Variants in DCLK1 observed in about 807,000 individuals in gnomAD.
The protein encoded by DCLK1 is doublecortin like kinase 1, also known as serine/threonine-protein kinase DCLK1.
In DCLK1, 16 loss-of-function variants were observed where a neutral mutation model predicts 86.2. That is an observed-to-expected ratio of 0.19 (90% CI 0.13 to 0.28). The LOEUF is 0.28. Ranked by LOEUF, DCLK1 falls within the 10% of genes least tolerant of loss-of-function variation. DCLK1 has a pLI of 1.00. For missense variants in DCLK1, 590 were observed against 940.2 expected (o/e 0.63, Z 4.87); for synonymous variants, 369 against 370.5 (o/e 1.00, Z 0.05).
At chr13:35,838,635 A>C (rs1211064902) in intron 7 of DCLK1, among the ~76,000 whole-genome samples, 2 of 152,216 alleles carry the variant, frequency 1.3e-5, no homozygotes, top group Non-Finnish European at 2.9e-5. Flanking sequence ...ATTTCCACCA[A>C]TTCTTTTTGT....
chr13:36,056,633 A>G (rs7985605), intron 3 of DCLK1, among the ~76,000 whole-genome samples: 19,639 of 145,084 alleles, frequency 0.14, 1,691 homozygotes, highest in South Asian at 0.35. Flanking sequence ...AAAAAAAAAA[A>G]AAAGAAAGAA....
intron 3 of DCLK1, among the ~76,000 whole-genome samples, chr13:36,047,603 G>A (rs1427879083): frequency 1.3e-5 from 2 of 152,158 alleles, no homozygotes; most frequent in Non-Finnish European, 2.9e-5. Flanking sequence ...GACAAATACT[G>A]CATGATCTCA....
rs187871686 is a variant in DCLK1 at position 35,874,979 on chromosome 13, C to T, written c.824-3639G>A. 1.2e-4 allele frequency among the ~76,000 whole-genome samples: 18 copies of T among 152,314 alleles called. No individual in the cohort carries two copies. The East Asian group carries it at 2.1e-3, about 18-fold the overall frequency. On this transcript the variant is annotated intron_variant, in intron 4 of 16. Coordinates refer to ENST00000360631, the MANE Select transcript of DCLK1 (RefSeq NM_001330071.2). ...GTACATTTTTATCACGTGGCCACTA[C>T]GTGCCAAGCATCGAGAGCTGCAGGC...
intron 16 of DCLK1, among the ~76,000 whole-genome samples, chr13:35,781,416 C>G (rs2153097772): frequency 6.6e-6 from 1 of 152,318 alleles, no homozygotes; most frequent in Middle Eastern, 3.4e-3. Context: ...TATGAATATT[C>G]TTAATATCAC....
intron 3 of DCLK1, among the ~76,000 whole-genome samples, chr13:36,042,474 T>C (rs1160445349): frequency 6.6e-6 from 1 of 152,192 alleles, no homozygotes; most frequent in Non-Finnish European, 1.5e-5. Flanking sequence ...ATACAACCAT[T>C]GTTCTTCTAT....
intron 4 of DCLK1, among the ~76,000 whole-genome samples, chr13:35,939,894 A>G (rs1412921980): frequency 6.6e-6 from 1 of 152,216 alleles, no homozygotes; most frequent in Non-Finnish European, 1.5e-5. Flanking sequence ...TAGTCATTTT[A>G]CCACAGTATG....
chr13:35,867,963 A>AAGAAAGAAAGAAAGAAAGAAAGAGAG (rs796441369), intron 5 of DCLK1, among the ~76,000 whole-genome samples: 2 of 135,238 alleles, frequency 1.5e-5, no homozygotes, highest in African/African-American at 5.4e-5. Flanking sequence ...GAAAGAAAGA[A>AAGAAAGAAAGAAAGAAAGAAAGAGAG]AGAGAAAAAG....
In DCLK1 at chr13:35,827,131, A is replaced by G. The variant is rs867686992; in HGVS notation, c.1407+504T>C. Among the ~76,000 whole-genome samples the G allele has an allele frequency of 4.5e-4, 69 of 152,338 alleles. No individual in the cohort carries two copies. In the Middle Eastern group the frequency reaches 0.014, roughly 30 times the overall value. ...TAATATTATGTGACAGGATGAGATT[A>G]CGACATTCACTGAAAGTCAGTACAC... is the stretch of plus-strand genomic sequence containing the variant. On this transcript the variant is annotated intron_variant, in intron 10 of 16. Coordinates refer to ENST00000360631, the MANE Select transcript of DCLK1 (RefSeq NM_001330071.2).
chr13:35,869,259 C>T (rs1286896983), intron 5 of DCLK1: 1 of 390,364 alleles, frequency 2.6e-6, no homozygotes, highest in African/African-American at 2.1e-5. Context: ...AGGTCCTCTT[C>T]TCTGTGTGTG....
At chr13:35,802,601 G>A (rs962248034) in intron 15 of DCLK1, among the ~76,000 whole-genome samples, 1 of 151,982 alleles carries the variant, frequency 6.6e-6, no homozygotes, top group African/African-American at 2.4e-5. Context: ...CAGAAAACTA[G>A]CTACACAACG....
At chr13:35,842,117 T>C (rs921086597) in intron 6 of DCLK1, among the ~76,000 whole-genome samples, 2 of 148,248 alleles carry the variant, frequency 1.3e-5, no homozygotes, top group African/African-American at 2.5e-5. Flanking sequence ...TAGTCCCAGC[T>C]AATCGGGAGG....
At chr13:35,908,913 G>C (rs1268248153) in intron 4 of DCLK1, among the ~76,000 whole-genome samples, 1 of 152,212 alleles carries the variant, frequency 6.6e-6, no homozygotes. Flanking sequence ...TAGGATTACA[G>C]GTGTGAGCCA....
At chr13:35,932,291 T>C (rs1425074114) in intron 4 of DCLK1, among the ~76,000 whole-genome samples, 1 of 152,194 alleles carries the variant, frequency 6.6e-6, no homozygotes, top group African/African-American at 2.4e-5. Flanking sequence ...TCTCAGGTCC[T>C]TATTCTCAGA....
intron 15 of DCLK1, among the ~76,000 whole-genome samples, chr13:35,795,394 G>A (rs1286154460): frequency 6.6e-6 from 1 of 152,140 alleles, no homozygotes; most frequent in African/African-American, 2.4e-5. Flanking sequence ...CAGAATTGAA[G>A]CCTTCATCTC....
intron 3 of DCLK1, among the ~76,000 whole-genome samples, chr13:36,032,143 C>CTTTTTTTTTTT (rs1882307510): frequency 6.8e-6 from 1 of 147,194 alleles, no homozygotes. Context: ...CTTTTTTTTT[C>CTTTTTTTTTTT]TTTTTTCTTT....
At chr13:35,924,151 G>A (rs1319773993) in intron 4 of DCLK1, among the ~76,000 whole-genome samples, 2 of 152,138 alleles carry the variant, frequency 1.3e-5, no homozygotes, top group African/African-American at 2.4e-5. Flanking sequence ...GCCCCTTGAT[G>A]TGTGCAGCTG....
chr13:36,027,945 T>C (rs542952214), intron 3 of DCLK1, among the ~76,000 whole-genome samples: 2 of 152,230 alleles, frequency 1.3e-5, no homozygotes, highest in African/African-American at 4.8e-5. Flanking sequence ...CCCAGGCTGG[T>C]CTCTTAACAC....
At chr13:35,874,775 G>A (rs1215695038) in intron 4 of DCLK1, among the ~76,000 whole-genome samples, 5 of 152,172 alleles carry the variant, frequency 3.3e-5, no homozygotes, top group Admixed American at 2.0e-4. Flanking sequence ...ATTTTGATTC[G>A]CAAAACAGAG....
intron 3 of DCLK1, among the ~76,000 whole-genome samples, chr13:36,075,819 C>T (rs531149199): frequency 6.6e-6 from 1 of 152,244 alleles, no homozygotes; most frequent in East Asian, 1.9e-4. Flanking sequence ...GAGTTTGAGA[C>T]CATCCTGGCC....
Sources: allele counts gnomAD v4.1 joint callset (sites outside exome capture counted in the v4.1 genomes callset), GRCh38; gene constraint gnomAD v4.1.1; transcripts MANE v1.5; gene names NCBI Gene and HGNC (gene_info 2026-07-23, HGNC 2026-07-21).